Variants in ZMAT4 observed in about 807,000 individuals in gnomAD.
ZMAT4 encodes zinc finger matrin-type 4.
A neutral mutation model predicts 28.7 loss-of-function variants in ZMAT4; 17 were observed. The ratio of observed to expected loss-of-function variants is 0.59; its 90% CI spans 0.41 to 0.89. The LOEUF (loss-of-function observed/expected upper bound fraction) is 0.89. Among genes scored for constraint, ZMAT4 ranks in the 40% least tolerant of loss-of-function variants. The pLI is 0.00. For missense variants in ZMAT4, 240 were observed against 283.8 expected (o/e 0.85, Z 1.11); for synonymous variants, 117 against 109.2 (o/e 1.07, Z -0.44).
chr8:40,648,224 C>G (rs1316692193), intron 5 of ZMAT4, among the ~76,000 whole-genome samples: 1 of 151,942 alleles, frequency 6.6e-6, no homozygotes, highest in African/African-American at 2.4e-5. Flanking sequence ...CAGAGAAGTG[C>G]TTAAAGGAGC....
intron 5 of ZMAT4, among the ~76,000 whole-genome samples, chr8:40,585,102 A>G (rs1804624315): frequency 6.6e-6 from 1 of 152,154 alleles, no homozygotes; most frequent in Non-Finnish European, 1.5e-5. Flanking sequence ...AAATGTATAT[A>G]GTAAGCTAGG....
chr8:40,768,554 A>G (rs1813256459), intron 2 of ZMAT4, among the ~76,000 whole-genome samples: 1 of 152,214 alleles, frequency 6.6e-6, no homozygotes, highest in South Asian at 2.1e-4. Flanking sequence ...ACTAAGAGTC[A>G]TCACACATTC....
At chr8:40,741,719 A>C (rs1335083797) in intron 3 of ZMAT4, among the ~76,000 whole-genome samples, 1 of 152,192 alleles carries the variant, frequency 6.6e-6, no homozygotes, top group African/African-American at 2.4e-5. Context: ...TGAAATGTGC[A>C]TTGCATTGAA....
intron 2 of ZMAT4, among the ~76,000 whole-genome samples, chr8:40,778,022 C>T (rs1813676871): frequency 1.3e-5 from 2 of 152,220 alleles, no homozygotes; most frequent in Admixed American, 1.3e-4. Context: ...AGGGCTGTTG[C>T]TCTTTAAATA....
chr8:40,756,510 C>G (rs1044487273), intron 3 of ZMAT4, among the ~76,000 whole-genome samples: 5 of 138,668 alleles, frequency 3.6e-5, no homozygotes, highest in Admixed American at 7.7e-5. Context: ...TCATGGCATT[C>G]TTTGTAATAG....
chr8:40,584,671 C>A (rs748189218), intron 5 of ZMAT4, among the ~76,000 whole-genome samples: 58 of 152,014 alleles, frequency 3.8e-4, no homozygotes, highest in Admixed American at 3.0e-3. Context: ...CTCGCCCTGT[C>A]ACCCAGGCTG....
At chr8:40,812,378 T>G (rs1815354071) in intron 2 of ZMAT4, among the ~76,000 whole-genome samples, 1 of 152,190 alleles carries the variant, frequency 6.6e-6, no homozygotes, top group African/African-American at 2.4e-5. Flanking sequence ...CAAGGACACA[T>G]AACTCCAATC....
intron 5 of ZMAT4, among the ~76,000 whole-genome samples, chr8:40,587,166 A>G (rs1804697184): frequency 1.3e-5 from 2 of 152,074 alleles, no homozygotes; most frequent in South Asian, 4.1e-4. Context: ...TCAGAATTCT[A>G]TTTCTAGCAA....
intron 5 of ZMAT4, among the ~76,000 whole-genome samples, chr8:40,595,292 C>T (rs1223740303): frequency 2.0e-5 from 3 of 152,234 alleles, no homozygotes; most frequent in African/African-American, 7.2e-5. Flanking sequence ...TCCCAGTAGA[C>T]TCTGATGCAC....
At chr8:40,547,506 A>G (rs1803241719) in intron 6 of ZMAT4, among the ~76,000 whole-genome samples, 1 of 152,202 alleles carries the variant, frequency 6.6e-6, no homozygotes, top group African/African-American at 2.4e-5. Context: ...CTTGCAATTT[A>G]TGAATCATGT....
At chr8:40,590,179 A>T (rs1324649108) in intron 5 of ZMAT4, among the ~76,000 whole-genome samples, 1 of 150,898 alleles carries the variant, frequency 6.6e-6, no homozygotes, top group East Asian at 2.0e-4. Flanking sequence ...ATGCACTACC[A>T]TGCCTTGCTA....
At chr8:40,551,889 G>A (rs1393532147) in intron 6 of ZMAT4, among the ~76,000 whole-genome samples, 1 of 152,084 alleles carries the variant, frequency 6.6e-6, no homozygotes, top group African/African-American at 2.4e-5. Flanking sequence ...AGACACATAA[G>A]CTCCCAGAGC....
intron 5 of ZMAT4, among the ~76,000 whole-genome samples, chr8:40,627,444 A>G (rs1466910957): frequency 6.6e-6 from 1 of 152,236 alleles, no homozygotes; most frequent in Admixed American, 6.5e-5. Flanking sequence ...TCATGTGCAT[A>G]TATATAAATA....
chr8:40,743,903 C>G (rs1271851118), intron 3 of ZMAT4, among the ~76,000 whole-genome samples: 1 of 152,106 alleles, frequency 6.6e-6, no homozygotes. Context: ...GCTGTTTGAG[C>G]AGATCCGTGA....
intron 4 of ZMAT4, chr8:40,690,890 A>T: frequency 1.0e-6 from 1 of 984,730 alleles, no homozygotes; most frequent in South Asian, 4.7e-5. Flanking sequence ...CTTACAATAC[A>T]TGCAATGAAT....
At chr8:40,570,768 T>G (rs1804073048) in intron 6 of ZMAT4, among the ~76,000 whole-genome samples, 1 of 152,018 alleles carries the variant, frequency 6.6e-6, no homozygotes, top group African/African-American at 2.4e-5. Flanking sequence ...TGTGAAGTTT[T>G]TAAAGCCACT....
At chr8:40,847,939 G>A (rs1816968110) in intron 1 of ZMAT4, among the ~76,000 whole-genome samples, 1 of 152,166 alleles carries the variant, frequency 6.6e-6, no homozygotes, top group African/African-American at 2.4e-5. Flanking sequence ...CATTTTGAAA[G>A]CACACATGAT....
At chr8:40,634,750 C>CA (rs954760988) in intron 5 of ZMAT4, among the ~76,000 whole-genome samples, 1 of 151,990 alleles carries the variant, frequency 6.6e-6, no homozygotes, top group Non-Finnish European at 1.5e-5. Context: ...TATCACTTTA[C>CA]AAAAAAACAA....
Position 40,862,348 on chromosome 8 carries a change from C to T in ZMAT4, c.-5+35335G>A, listed in dbSNP as rs1177807603. Among the ~76,000 whole-genome samples, 3 of 142,606 alleles carry T rather than the reference C, an allele frequency of 2.1e-5. No individual in the cohort carries two copies. In the Admixed American group the frequency reaches 2.2e-4, roughly 11 times the overall value. The allele number at this position is 142,606 out of a possible 152,430, so 93.6% of individuals were successfully genotyped here. A position where few individuals can be genotyped will look rare whatever the true frequency, so the allele number is the denominator to read the frequency against. ...AAAAACCAAACACCGCATATTCTCA[C>T]TCATAGGTGGGAACTGAACAATGAG... On this transcript the variant is annotated intron_variant, in intron 1 of 6. Transcript: ENST00000297737.
Sources: gnomAD v4.1 joint callset for allele counts (sites outside exome capture counted in the v4.1 genomes callset) on GRCh38, gnomAD v4.1.1 for gene constraint, MANE v1.5 for transcripts, NCBI Gene and HGNC (gene_info 2026-07-23, HGNC 2026-07-21) for gene names.